RNF170: variants seen among roughly 807,000 people sequenced by gnomAD.
RNF170 encodes ring finger protein 170.
RNF170 carries 12 observed loss-of-function variants against 32.7 expected under a neutral mutation model. The ratio of observed to expected loss-of-function variants is 0.37; its 90% confidence interval spans 0.24 to 0.60. RNF170 has a LOEUF of 0.60. Among genes scored for constraint, RNF170 ranks in the 20% least tolerant of loss-of-function variants. The pLI, the probability that RNF170 is intolerant of heterozygous loss-of-function variation, is 0.72. For synonymous variants in RNF170, 91 were observed against 103.6 expected (o/e 0.88, Z 0.74); for missense variants, 212 against 311.2 (o/e 0.68, Z 2.40).
At chr8:42,851,560 G>A (rs1273833591), downstream of RNF170, among the ~76,000 whole-genome samples, 8 of 138,958 alleles carry the variant, frequency 5.8e-5, no homozygotes, top group South Asian at 2.3e-4. Flanking sequence ...GTGAGACTCC[G>A]TCTCAAAAAA....
upstream of RNF170, chr8:42,897,169 G>A: frequency 1.6e-6 from 2 of 1,249,270 alleles, no homozygotes; most frequent in Non-Finnish European, 2.0e-6. Context: ...GCGGAGCTGT[G>A]CGAGAGCCTC....
chr8:42,868,725 G>A (rs1334711429), intron 4 of RNF170, among the ~76,000 whole-genome samples: 7 of 151,914 alleles, frequency 4.6e-5, no homozygotes, highest in South Asian at 2.1e-4. Context: ...GGTGGCAGGC[G>A]CCTGTAATCC....
chr8:42,856,515 T>G, intron 6 of RNF170, 87 bp from the exon 7 acceptor site: 1 of 967,556 alleles, frequency 1.0e-6, no homozygotes, highest in Admixed American at 2.1e-5. Context: ...TATGTAAACA[T>G]TGTTAAGATG....
At chr8:42,892,967 A>C (rs1380667481) in intron 1 of RNF170, among the ~76,000 whole-genome samples, 1 of 152,246 alleles carries the variant, frequency 6.6e-6, no homozygotes, top group Non-Finnish European at 1.5e-5. Flanking sequence ...AGCCTCGGTG[A>C]CAGAACAAGA....
At chr8:42,851,564 CAAAAA>C (rs11345853), downstream of RNF170, among the ~76,000 whole-genome samples, 5 of 82,582 alleles carry the variant, frequency 6.1e-5, no homozygotes, top group African/African-American at 1.9e-4. Context: ...GACTCCGTCT[CAAAAA>C]AAAAAAAAAA....
intron 1 of RNF170, among the ~76,000 whole-genome samples, chr8:42,892,271 C>A (rs1020396988): frequency 6.6e-6 from 1 of 152,180 alleles, no homozygotes; most frequent in East Asian, 1.9e-4. Context: ...GCAGCCTCGA[C>A]CTCCCAGGCT....
chr8:42,897,293 C>A, upstream of RNF170: 2 of 734,912 alleles, frequency 2.7e-6, no homozygotes, highest in Non-Finnish European at 3.7e-6. Context: ...ACGGTGCCGT[C>A]ACATCCGGGG....
intron 4 of RNF170, among the ~76,000 whole-genome samples, chr8:42,867,239 A>AG (rs1804150548): frequency 6.6e-6 from 1 of 152,186 alleles, no homozygotes; most frequent in African/African-American, 2.4e-5. Flanking sequence ...TGGGAGGCTG[A>AG]GGCAGGCGGA....
intron 4 of RNF170, among the ~76,000 whole-genome samples, chr8:42,866,838 T>C (rs1804121710): frequency 6.6e-6 from 1 of 152,092 alleles, no homozygotes; most frequent in African/African-American, 2.4e-5. Context: ...TTCAGGCCAA[T>C]AAGAGGTGAA....
chr8:42,887,824 T>C lies in RNF170; in HGVS notation c.41A>G (p.Asp14Gly). The change falls in exon 2 of 7, where the codon GAT (aspartate) becomes GGT (glycine). Residue 14 changes from aspartate to glycine, a missense_variant. Coordinates refer to ENST00000527424, the MANE Select transcript of RNF170 (RefSeq NM_030954.4). ...TACTCCTTCTATAACTGAATCATCA[T>C]CCAGTTTCAAACTTTGAACTTCACC... is the stretch of plus-strand genomic sequence containing the variant. Reference protein sequence around the residue: ...YQGEVQSLKLDDDSVIEGVSD... With the variant: ...YQGEVQSLKLGDDSVIEGVSD... 6.2e-7 allele frequency: 1 copy of C among 1,614,018 alleles called. No homozygotes were observed. Among genetic ancestry groups the C allele is most frequent in the South Asian group, 1.1e-5 (1 of 91,088 alleles).
At chr8:42,896,742 G>GGCGGCA (rs1371772220), upstream of RNF170, 356 of 145,078 alleles carry the variant, frequency 2.5e-3, 7 homozygotes, top group East Asian at 0.048. Context: ...GGGCGCGCCC[G>GGCGGCA]GCGGCAGCGG....
chr8:42,865,066 G>A (rs1342500191), intron 5 of RNF170, among the ~76,000 whole-genome samples: 21 of 151,558 alleles, frequency 1.4e-4, no homozygotes, highest in Admixed American at 1.4e-3. Context: ...AGACCAGCCT[G>A]GGCAATGCAG....
chr8:42,853,840 TA>T lies in RNF170; in HGVS notation c.*2318del. The T allele has an allele frequency of 7.8e-7, 1 of 1,286,988 alleles. No individual in the cohort carries two copies. The highest frequency in any genetic ancestry group is 1.0e-6 in the Non-Finnish European group (1 of 988,514). The allele number at this position is 1,286,988 out of a possible 1,614,324, so 79.7% of individuals were successfully genotyped here. Reference sequence around the variant, plus strand: ...TTTAGGAAGCTTTAAGATCATTTAGTATTTTTTTATGTTACAAAATTTGGTA... The same window carrying T: ...TTTAGGAAGCTTTAAGATCATTTAGTTTTTTTTATGTTACAAAATTTGGTA... On this transcript the variant is annotated 3_prime_UTR_variant, in exon 7 of 7. Transcript: ENST00000527424.
chr8:42,863,974 A>AG (rs1803874959), intron 5 of RNF170, among the ~76,000 whole-genome samples: 2 of 112,684 alleles, frequency 1.8e-5, no homozygotes, highest in Non-Finnish European at 3.7e-5. Context: ...GGAGAGAGAG[A>AG]GAGAGAGTGT....
chr8:42,894,049 A>G (rs577876782), intron 1 of RNF170, among the ~76,000 whole-genome samples: 1 of 152,252 alleles, frequency 6.6e-6, no homozygotes, highest in Non-Finnish European at 1.5e-5. Context: ...TCCTGGAACA[A>G]AGGAGAGAAT....
intron 1 of RNF170, 160 bp downstream of exon 1, chr8:42,896,324 G>C (rs1177612581): frequency 1.3e-5 from 5 of 386,746 alleles, no homozygotes; most frequent in African/African-American, 2.2e-5. Flanking sequence ...GCGATTCTGG[G>C]GCTTCCAGAC....
rs368116146 is a variant in RNF170, at chr8:42,875,164, C to T, written c.138-1158G>A. ...CCAGCCTGGGCAACAAGAGCAAAAC[C>T]GTCTTAAAAAAAAAAAAAAAAAGAA... On this transcript the variant is annotated intron_variant, in intron 2 of 6. Transcript: ENST00000527424. Among the ~76,000 whole-genome samples the T allele has an allele frequency of 1.5e-3, 211 of 145,278 alleles. 1 individual carries two copies. Among genetic ancestry groups the T allele is most frequent in the Non-Finnish European group, 1.8e-3 (120 of 66,990 alleles).
chr8:42,853,866 A>G lies in RNF170; in HGVS notation c.*2293T>C. Reference sequence around the variant, plus strand: ...ATTTTTTTATGTTACAAAATTTGGTACAATACACCTCTTTCAGGAAAGTCT... The same window carrying G: ...ATTTTTTTATGTTACAAAATTTGGTGCAATACACCTCTTTCAGGAAAGTCT... On this transcript the variant is annotated 3_prime_UTR_variant, in exon 7 of 7. Transcript: ENST00000527424. 1 of 1,286,644 alleles carries G rather than the reference A, an allele frequency of 7.8e-7. No individual in the cohort carries two copies. Among genetic ancestry groups the G allele is most frequent in the Non-Finnish European group, 1.0e-6 (1 of 988,216 alleles). The allele number at this position is 1,286,644 out of a possible 1,614,324, so 79.7% of individuals were successfully genotyped here.
chr8:42,855,566 T>C lies in RNF170; in HGVS notation c.*593A>G. ...AAAATGTGTTCTGTAAACTAGAATA[T>C]GATATCGAAGTATGAAGTTCAAGTT... On this transcript the variant is annotated 3_prime_UTR_variant, in exon 7 of 7. Transcript: ENST00000527424. The C allele has an allele frequency of 7.8e-7, 1 of 1,279,462 alleles. No individual in the cohort carries two copies. The allele number at this position is 1,279,462 out of a possible 1,614,324, so 79.3% of individuals were successfully genotyped here.
Sources: gnomAD v4.1 joint callset for allele counts (sites outside exome capture counted in the v4.1 genomes callset) on GRCh38, gnomAD v4.1.1 for gene constraint, MANE v1.5 for transcripts, NCBI Gene and HGNC (gene_info 2026-07-23, HGNC 2026-07-21) for gene names.